The following AFAP1 variants were observed in gnomAD, a reference collection of about 807,000 sequenced individuals.
AFAP1 encodes actin filament associated protein 1.
A neutral mutation model predicts 93.9 loss-of-function variants in AFAP1; 75 were observed. That is an observed-to-expected ratio of 0.80 (90% CI 0.66 to 0.97). AFAP1 has a LOEUF of 0.97. Ranked by LOEUF, AFAP1 falls within the 50% of genes least tolerant of loss-of-function variation. The pLI is 0.00. For synonymous variants in AFAP1, 517 were observed against 430.7 expected, an observed-to-expected ratio of 1.20 and a Z score of -2.48; for missense variants, 1,201 against 1,050.8, an observed-to-expected ratio of 1.14 and a Z score of -1.98.
intron 1 of AFAP1, among the ~76,000 whole-genome samples, chr4:7,910,809 A>C (rs1379016083): frequency 1.3e-5 from 2 of 152,194 alleles, no homozygotes; most frequent in Non-Finnish European, 2.9e-5. Flanking sequence ...GGAGGTGAGT[A>C]TGTGATAGAC....
chr4:7,924,869 A>G lies in AFAP1; in HGVS notation c.-3+14787T>C, dbSNP rs183617385. ...CGTGGCCAGGACTTGACTCAAAACC[A>G]ACAGCCACCCTAATTTTGGCCCCTG... On this transcript the variant is annotated intron_variant, in intron 1 of 17. Transcript: ENST00000420658. Among the ~76,000 whole-genome samples the G allele has an allele frequency of 8.6e-5, 12 of 139,280 alleles. No homozygotes were observed. In the East Asian group the frequency reaches 2.5e-3, roughly 29 times the overall value. The allele number at this position is 139,280 out of a possible 152,430, so 91.4% of individuals were successfully genotyped here. A position where few individuals can be genotyped will look rare whatever the true frequency, so the allele number is the denominator to read the frequency against.
At chr4:7,920,011 T>C (rs1720350476) in intron 1 of AFAP1, among the ~76,000 whole-genome samples, 1 of 152,228 alleles carries the variant, frequency 6.6e-6, no homozygotes, top group Non-Finnish European at 1.5e-5. Flanking sequence ...TTCCATGGTG[T>C]GTATGTACCA....
chr4:7,922,782 G>A (rs1023964089), intron 1 of AFAP1, among the ~76,000 whole-genome samples: 3 of 152,160 alleles, frequency 2.0e-5, no homozygotes, highest in Non-Finnish European at 4.4e-5. Context: ...CCAGGAGTTT[G>A]AAACCACTCT....
intron 1 of AFAP1, among the ~76,000 whole-genome samples, chr4:7,903,507 C>T (rs564163968): frequency 5.9e-5 from 9 of 152,224 alleles, no homozygotes; most frequent in Non-Finnish European, 8.8e-5. Context: ...GGGGAAACCC[C>T]GTCTCTACTA....
intron 3 of AFAP1, among the ~76,000 whole-genome samples, chr4:7,863,959 C>G (rs1030119310): frequency 6.6e-6 from 1 of 152,212 alleles, no homozygotes; most frequent in Non-Finnish European, 1.5e-5. Context: ...CCATTCCCAA[C>G]TTCCCATCAC....
intron 9 of AFAP1, among the ~76,000 whole-genome samples, chr4:7,807,069 C>CA (rs1719579534): frequency 1.3e-5 from 2 of 152,234 alleles, no homozygotes; most frequent in Admixed American, 6.5e-5. Flanking sequence ...GCAAGCCATA[C>CA]AAGCTCTCTG....
chr4:7,830,601 A>G (rs1425218301), intron 6 of AFAP1, among the ~76,000 whole-genome samples: 1 of 149,842 alleles, frequency 6.7e-6, no homozygotes, highest in Non-Finnish European at 1.5e-5. Context: ...GAAAGGTTTT[A>G]TTATTATTAT....
chr4:7,786,148 C>T (rs189498200), intron 12 of AFAP1, 46 bp downstream of exon 12: 7 of 1,551,678 alleles, frequency 4.5e-6, no homozygotes, highest in African/African-American at 2.7e-5. Flanking sequence ...TTCACAGCCT[C>T]GGCCTCTAAC....
At chr4:7,922,801 C>T (rs1468038921) in intron 1 of AFAP1, among the ~76,000 whole-genome samples, 3 of 152,118 alleles carry the variant, frequency 2.0e-5, no homozygotes, top group Non-Finnish European at 2.9e-5. Context: ...CTGGACAACA[C>T]AGCAAGACCC....
intron 11 of AFAP1, among the ~76,000 whole-genome samples, chr4:7,787,788 G>A (rs1430019488): frequency 6.6e-6 from 1 of 152,156 alleles, no homozygotes; most frequent in Non-Finnish European, 1.5e-5. Flanking sequence ...CAGGGCCTCG[G>A]GGCTCCGAGG....
chr4:7,791,669 T>C (rs1392517818), intron 11 of AFAP1, among the ~76,000 whole-genome samples: 2 of 149,152 alleles, frequency 1.3e-5, no homozygotes, highest in African/African-American at 5.0e-5. Flanking sequence ...CTGGGCAACA[T>C]AATAAGACCC....
intron 2 of AFAP1, 81 bp downstream of exon 2, chr4:7,871,871 T>A (rs1717080416): frequency 6.6e-7 from 1 of 1,505,736 alleles, no homozygotes; most frequent in South Asian, 1.3e-5. Context: ...TAAATATATT[T>A]TAGAAAGGTG....
At chr4:7,892,650 T>C (rs1718536051) in intron 1 of AFAP1, among the ~76,000 whole-genome samples, 2 of 152,324 alleles carry the variant, frequency 1.3e-5, no homozygotes, top group South Asian at 4.1e-4. Context: ...ACACGGGATC[T>C]GGTGGGTAGA....
intron 12 of AFAP1, among the ~76,000 whole-genome samples, chr4:7,783,487 GA>G (rs1432758308): frequency 6.6e-6 from 1 of 152,218 alleles, no homozygotes; most frequent in African/African-American, 2.4e-5. Context: ...TCCAAAAAGA[GA>G]TGAGCTGGTA....
rs1454983528 is a variant in AFAP1 at position 7,900,810 on chromosome 4, AGTGAGGAATAC to A, written c.-2-28741_-2-28731del. The stretch of plus-strand genomic sequence containing the variant: ...AATAATTCACTGAAACAAAAGAATG[AGTGAGGAATAC>A]GTTTATATAGGAATCAGAGGAAGCA... On this transcript the variant is annotated intron_variant, in intron 1 of 17. Coordinates refer to ENST00000420658, the MANE Select transcript of AFAP1 (RefSeq NM_001134647.2). Among the ~76,000 whole-genome samples the A allele has an allele frequency of 5.9e-5, 9 of 152,350 alleles. No individual in the cohort carries two copies. The South Asian group carries it at 8.3e-4, about 14-fold the overall frequency.
chr4:7,802,239 T>C (rs1483657125), intron 9 of AFAP1, among the ~76,000 whole-genome samples: 1 of 150,196 alleles, frequency 6.7e-6, no homozygotes, highest in Non-Finnish European at 1.5e-5. Flanking sequence ...TCATCTGGGG[T>C]GTGGGCTGAT....
chr4:7,923,312 T>C (rs553016983), intron 1 of AFAP1, among the ~76,000 whole-genome samples: 10 of 152,306 alleles, frequency 6.6e-5, no homozygotes, highest in South Asian at 2.1e-4. Flanking sequence ...GCAAATACCA[T>C]AGGCTGTGTG....
At chr4:7,794,118 G>A (rs1482727748) in intron 10 of AFAP1, among the ~76,000 whole-genome samples, 1 of 152,156 alleles carries the variant, frequency 6.6e-6, no homozygotes, top group Non-Finnish European at 1.5e-5. Flanking sequence ...AAATTAACAG[G>A]ATTAATTGCA....
intron 14 of AFAP1, chr4:7,776,941 G>A (rs936348731): frequency 2.0e-5 from 3 of 152,150 alleles, no homozygotes; most frequent in Non-Finnish European, 4.4e-5. Context: ...GCAACCGGCT[G>A]GATTCAAGCA....
Sources: gnomAD v4.1 joint callset for allele counts (sites outside exome capture counted in the v4.1 genomes callset) on GRCh38, gnomAD v4.1.1 for gene constraint, MANE v1.5 for transcripts, NCBI Gene and HGNC (gene_info 2026-07-23, HGNC 2026-07-21) for gene names.